Variants in TRMT10A observed in about 807,000 individuals in gnomAD.
TRMT10A encodes tRNA methyltransferase 10A.
A neutral mutation model predicts 40.4 loss-of-function variants in TRMT10A; 37 were observed. The ratio of observed to expected loss-of-function variants is 0.92; its 90% CI spans 0.71 to 1.21. The LOEUF is 1.21. Among genes scored for constraint, TRMT10A ranks in the 50% most tolerant of loss-of-function variants. The probability of loss-of-function intolerance (pLI) is 0.00; values close to 1 mark genes in which losing one functional copy is unlikely to be tolerated. For missense variants in TRMT10A, 388 were observed against 404.3 expected, an observed-to-expected ratio of 0.96 and a Z score of 0.35; for synonymous variants, 103 against 134.1, an observed-to-expected ratio of 0.77 and a Z score of 1.60.
chr4:99,555,926 A>T (rs920518765), intron 5 of TRMT10A, among the ~76,000 whole-genome samples: 3 of 152,180 alleles, frequency 2.0e-5, no homozygotes, highest in Admixed American at 2.0e-4. Flanking sequence ...TTAAAAGTTG[A>T]CCATAAAATA....
intron 5 of TRMT10A, among the ~76,000 whole-genome samples, chr4:99,555,365 G>C (rs1724125239): frequency 6.6e-6 from 1 of 152,130 alleles, no homozygotes; most frequent in African/African-American, 2.4e-5. Flanking sequence ...AAAAGGTATA[G>C]GGATAACCCA....
At chr4:99,557,827 C>T in intron 3 of TRMT10A, 1 of 472,110 alleles carries the variant, frequency 2.1e-6, no homozygotes, top group East Asian at 3.7e-5. Flanking sequence ...GTCTCTCTTT[C>T]CTGTCTGCAC....
At chr4:99,551,125 A>G in intron 6 of TRMT10A, 135 bp from the exon 7 acceptor site, 1 of 616,696 alleles carries the variant, frequency 1.6e-6, no homozygotes, top group Non-Finnish European at 2.7e-6. Flanking sequence ...AATGGGGGGT[A>G]TGTGTGTGTT....
chr4:99,561,140 T>C (rs1724375371), intron 1 of TRMT10A, among the ~76,000 whole-genome samples: 1 of 152,038 alleles, frequency 6.6e-6, no homozygotes, highest in East Asian at 1.9e-4. Flanking sequence ...CTAATTTTTG[T>C]ATTTTTAGTA....
rs932071505 is a variant in TRMT10A, at chr4:99,547,711, CA to C, written c.*1376del. 1.3e-5 allele frequency: 2 copies of C among 151,784 alleles called. No individual in the cohort carries two copies. Among genetic ancestry groups the C allele is most frequent in the Non-Finnish European group, 2.9e-5 (2 of 67,904 alleles). 9.4% of individuals were successfully genotyped at this position (151,784 alleles called of 1,614,324 possible). On this transcript the variant is annotated 3_prime_UTR_variant, in exon 8 of 8. Transcript: ENST00000394876. ...TAATAGATTACTAAGAACAAAGTAA[CA>C]AAAATAGACAGTAAATATCAGTACT...
intron 5 of TRMT10A, among the ~76,000 whole-genome samples, chr4:99,554,424 A>G (rs749790800): frequency 5.9e-4 from 90 of 152,168 alleles, no homozygotes; most frequent in Non-Finnish European, 1.9e-4. Context: ...TACATGAATC[A>G]TGAAAGGGAA....
Position 99,549,097 on chromosome 4 carries a change from CAG to C in TRMT10A, c.1009_1010del (p.Leu337AlafsTer12), listed in dbSNP as rs1257985843. 2.5e-6 allele frequency: 4 copies of C among 1,613,764 alleles called. No homozygotes were observed. Among genetic ancestry groups the C allele is most frequent in the Non-Finnish European group, 8.5e-7 (1 of 1,179,724 alleles). The stretch of plus-strand genomic sequence containing the variant: ...AGGAAACCAGGTAACATTAGTGTGG[CAG>C]AGAGTTCACTGTAGATTCAGTGTGA... ...ENHTESTVNSLPH is the reference protein window; with the variant it reads ...ENHTESTVNSXPH On this transcript the variant is annotated frameshift_variant, in exon 8 of 8. Coordinates refer to ENST00000394876, the MANE Select transcript of TRMT10A (RefSeq NM_001134665.3). LOFTEE classifies it high-confidence loss of function.
Position 99,558,044 on chromosome 4 carries a change from G to C in TRMT10A, c.348+5C>G. The C allele has an allele frequency of 6.5e-7, 1 of 1,546,550 alleles. No homozygotes were observed. Among genetic ancestry groups the C allele is most frequent in the Non-Finnish European group, 8.7e-7 (1 of 1,153,944 alleles). On this transcript the variant is annotated splice_donor_5th_base_variant and intron_variant, in intron 3 of 7. Transcript: ENST00000394876. ...CAAGATTTTTCTGACAATGATTCAT[G>C]ATACCTTTAATACCATCAAGTGATC...
intron 1 of TRMT10A, among the ~76,000 whole-genome samples, chr4:99,560,465 A>G (rs921392084): frequency 6.6e-6 from 1 of 152,160 alleles, no homozygotes; most frequent in African/African-American, 2.4e-5. Context: ...TGCAGACACA[A>G]ATAGAACAGA....
chr4:99,558,776 T>C (rs1724265802), intron 2 of TRMT10A, among the ~76,000 whole-genome samples: 1 of 152,082 alleles, frequency 6.6e-6, no homozygotes, highest in Non-Finnish European at 1.5e-5. Context: ...TCTTTCTGAG[T>C]TGGCTGTTTT....
intron 1 of TRMT10A, among the ~76,000 whole-genome samples, chr4:99,561,158 G>A (rs1048895113): frequency 1.6e-4 from 25 of 151,972 alleles, no homozygotes; most frequent in Non-Finnish European, 2.1e-4. Flanking sequence ...GTAGAGAAGG[G>A]GTTTCGCCAC....
At chr4:99,554,717 C>T (rs1182802595) in intron 5 of TRMT10A, among the ~76,000 whole-genome samples, 10 of 82,324 alleles carry the variant, frequency 1.2e-4, no homozygotes, top group Admixed American at 1.1e-3. Context: ...CAAGCGACTA[C>T]GTTTCAAAAA....
chr4:99,552,618 G>C (rs943040872), intron 6 of TRMT10A, among the ~76,000 whole-genome samples: 1 of 151,932 alleles, frequency 6.6e-6, no homozygotes, highest in African/African-American at 2.4e-5. Context: ...CATTCTTCCC[G>C]TAAGTGTAAA....
At chr4:99,562,126 G>A (rs1724423180) in intron 1 of TRMT10A, among the ~76,000 whole-genome samples, 1 of 148,990 alleles carries the variant, frequency 6.7e-6, no homozygotes, top group Non-Finnish European at 1.5e-5. Context: ...TGCCATGATC[G>A]CAGCACTGCA....
intron 5 of TRMT10A, 34 bp downstream of exon 5, chr4:99,556,112 T>G: frequency 6.3e-7 from 1 of 1,589,572 alleles, no homozygotes; most frequent in African/African-American, 1.3e-5. Context: ...TAAAAATACT[T>G]GGAATTATGT....
At chr4:99,550,649 A>G (rs554092121) in intron 7 of TRMT10A, among the ~76,000 whole-genome samples, 4 of 152,332 alleles carry the variant, frequency 2.6e-5, no homozygotes, top group Non-Finnish European at 5.9e-5. Flanking sequence ...TCAACACCAA[A>G]AAGTTAACAC....
At chr4:99,557,008 C>T (rs774282187) in intron 4 of TRMT10A, among the ~76,000 whole-genome samples, 5 of 152,078 alleles carry the variant, frequency 3.3e-5, no homozygotes, top group Non-Finnish European at 7.4e-5. Flanking sequence ...ACAGCTTCTG[C>T]CTCTCTGTCC....
intron 1 of TRMT10A, among the ~76,000 whole-genome samples, chr4:99,560,841 T>A (rs1347294852): frequency 1.3e-5 from 2 of 152,170 alleles, no homozygotes; most frequent in Admixed American, 6.5e-5. Context: ...GCTCTCTTCA[T>A]GAAATAATAA....
At chr4:99,558,253 C>T in intron 2 of TRMT10A, 42 bp from the exon 3 acceptor site, 1 of 1,471,044 alleles carries the variant, frequency 6.8e-7, no homozygotes, top group Non-Finnish European at 9.2e-7. Context: ...ATTGTGTATT[C>T]AGTTATTTAC....
Sources: gnomAD v4.1 joint callset for allele counts (sites outside exome capture counted in the v4.1 genomes callset) on GRCh38, gnomAD v4.1.1 for gene constraint, MANE v1.5 for transcripts, NCBI Gene and HGNC (gene_info 2026-07-23, HGNC 2026-07-21) for gene names.